ANO4: variants seen among roughly 807,000 people sequenced by gnomAD.
ANO4 encodes anoctamin 4.
A neutral mutation model predicts 141.9 loss-of-function variants in ANO4; 69 were observed. The ratio of observed to expected loss-of-function variants is 0.49; its 90% CI spans 0.40 to 0.59. The LOEUF (loss-of-function observed/expected upper bound fraction) is 0.59, where lower values mean the gene tolerates loss of function less well. ANO4 is among the 20% of genes least tolerant of loss of function. The pLI is 0.00. For synonymous variants in ANO4, 350 were observed against 394.3 expected (o/e 0.89, Z 1.33); for missense variants, 894 against 1,162.2 (o/e 0.77, Z 3.36).
chr12:100,927,444 A>G (rs904312409), intron 3 of ANO4, among the ~76,000 whole-genome samples: 1 of 152,058 alleles, frequency 6.6e-6, no homozygotes, highest in African/African-American at 2.4e-5. Flanking sequence ...ACAAAAATAA[A>G]CAAACAAAAA....
At chr12:100,828,146 G>C (rs896385524) in intron 1 of ANO4, among the ~76,000 whole-genome samples, 2 of 152,050 alleles carry the variant, frequency 1.3e-5, no homozygotes, top group Non-Finnish European at 2.9e-5. Context: ...TTGGCAAGAA[G>C]TCTGGTCTAC....
intron 1 of ANO4, among the ~76,000 whole-genome samples, chr12:100,884,813 G>A (rs1407186106): frequency 6.6e-6 from 1 of 152,176 alleles, no homozygotes; most frequent in African/African-American, 2.4e-5. Context: ...TCCCGCCTCA[G>A]CCCCCCGAGT....
At chr12:101,004,454 G>A (rs1363810380) in intron 8 of ANO4, among the ~76,000 whole-genome samples, 1 of 152,152 alleles carries the variant, frequency 6.6e-6, no homozygotes, top group African/African-American at 2.4e-5. Flanking sequence ...GAGGATCATT[G>A]CTGACAGGAA....
intron 3 of ANO4, among the ~76,000 whole-genome samples, chr12:100,762,948 TCAGAA>T (rs1319226639): frequency 1.3e-5 from 2 of 152,152 alleles, no homozygotes; most frequent in African/African-American, 2.4e-5. Context: ...CACTGAGTCT[TCAGAA>T]CAGCCTTTTG....
intron 2 of ANO4, among the ~76,000 whole-genome samples, chr12:100,735,084 C>A (rs2031547717): frequency 6.6e-6 from 1 of 152,170 alleles, no homozygotes; most frequent in Non-Finnish European, 1.5e-5. Flanking sequence ...TTGCTGCCAC[C>A]TTTCTGAGTT....
chr12:101,103,921 A>AT (rs922655591), intron 22 of ANO4, among the ~76,000 whole-genome samples: 3 of 151,802 alleles, frequency 2.0e-5, no homozygotes, highest in Non-Finnish European at 4.4e-5. Context: ...GGACTATTTC[A>AT]TTTTTTTGTT....
At chr12:101,094,322 C>T in intron 18 of ANO4, 30 bp downstream of exon 18, 1 of 1,581,410 alleles carries the variant, frequency 6.3e-7, no homozygotes. Flanking sequence ...TTTCATAGAA[C>T]TGTACTGTGG....
chr12:101,027,031 A>G (rs2046767792), intron 9 of ANO4, among the ~76,000 whole-genome samples: 2 of 152,170 alleles, frequency 1.3e-5, no homozygotes, highest in African/African-American at 4.8e-5. Flanking sequence ...ATTGGCAACC[A>G]AGGTATCTTC....
intron 8 of ANO4, among the ~76,000 whole-genome samples, chr12:100,997,881 A>G (rs1309214242): frequency 6.6e-6 from 1 of 152,194 alleles, no homozygotes; most frequent in Non-Finnish European, 1.5e-5. Flanking sequence ...GCCTTGCAGG[A>G]CTTTTCTGAA....
intron 3 of ANO4, among the ~76,000 whole-genome samples, chr12:100,786,901 A>G (rs764477896): frequency 6.6e-6 from 1 of 152,212 alleles, no homozygotes; most frequent in East Asian, 1.9e-4. Context: ...ATCATACTCT[A>G]AATAATTCTA....
intron 5 of ANO4, among the ~76,000 whole-genome samples, chr12:100,959,157 C>G (rs1451043874): frequency 6.6e-6 from 1 of 152,062 alleles, no homozygotes; most frequent in Admixed American, 6.6e-5. Context: ...TGCCTATACT[C>G]TGATAGAAAA....
At chr12:101,082,026 GAC>G (rs1438775006) in intron 15 of ANO4, among the ~76,000 whole-genome samples, 1 of 152,170 alleles carries the variant, frequency 6.6e-6, no homozygotes, top group Non-Finnish European at 1.5e-5. Context: ...GGGGAAGCAA[GAC>G]ACAATTTGGC....
chr12:100,982,930 G>C (rs2044546941), intron 7 of ANO4, among the ~76,000 whole-genome samples: 1 of 152,350 alleles, frequency 6.6e-6, no homozygotes, highest in South Asian at 2.1e-4. Context: ...AGAGATGAGA[G>C]CACTAAGGTT....
intron 1 of ANO4, among the ~76,000 whole-genome samples, chr12:100,848,143 C>G (rs1203717947): frequency 6.6e-6 from 1 of 151,814 alleles, no homozygotes; most frequent in South Asian, 2.1e-4. Flanking sequence ...TCTTTTTCTT[C>G]CTGTAGATTA....
At position 100,997,202 on chromosome 12, in the gene ANO4, C is replaced by T. The variant is rs117766414; in HGVS notation, c.734+9532C>T. ...TACAAAAATTAGCTAGGCGTGGTTGCGCGTGCCTTTAATCCCAGCTACTCT... is the reference window on the plus strand; with the variant it reads ...TACAAAAATTAGCTAGGCGTGGTTGTGCGTGCCTTTAATCCCAGCTACTCT... On this transcript the variant is annotated intron_variant, in intron 8 of 27. Transcript: ENST00000392977. 1.8e-3 allele frequency among the ~76,000 whole-genome samples: 269 copies of T among 151,774 alleles called. 4 individuals carry two copies. The East Asian group carries it at 0.025, about 14-fold the overall frequency.
chr12:100,981,108 C>G (rs1041426822), intron 7 of ANO4, among the ~76,000 whole-genome samples: 2 of 152,128 alleles, frequency 1.3e-5, no homozygotes, highest in African/African-American at 2.4e-5. Flanking sequence ...GCAGTCACAA[C>G]TTATCAGATG....
intron 3 of ANO4, among the ~76,000 whole-genome samples, chr12:100,770,084 A>G (rs1189453511): frequency 6.6e-6 from 1 of 152,228 alleles, no homozygotes; most frequent in Non-Finnish European, 1.5e-5. Context: ...CTGGTTGAAT[A>G]TTGCGATAGC....
chr12:100,861,291 T>A (rs141258184), intron 1 of ANO4, among the ~76,000 whole-genome samples: 9 of 152,178 alleles, frequency 5.9e-5, no homozygotes, highest in African/African-American at 2.2e-4. Flanking sequence ...CTCTCAACAG[T>A]GTGTACTTAA....
chr12:100,745,059 A>C (rs1267766343), intron 3 of ANO4, among the ~76,000 whole-genome samples: 2 of 152,016 alleles, frequency 1.3e-5, no homozygotes, highest in Admixed American at 1.3e-4. Context: ...CTTCTCCATA[A>C]TAGAATAAAG....
Sources: gnomAD v4.1 joint callset for allele counts (sites outside exome capture counted in the v4.1 genomes callset) on GRCh38, gnomAD v4.1.1 for gene constraint, MANE v1.5 for transcripts, NCBI Gene and HGNC (gene_info 2026-07-23, HGNC 2026-07-21) for gene names.